Variants in P2RY8 observed in about 807,000 individuals in gnomAD.
The protein encoded by P2RY8 is P2Y receptor family member 8.
A neutral mutation model predicts 10.0 loss-of-function variants in P2RY8; 6 were observed. The observed-to-expected ratio is 0.60, with a 90% CI of 0.33 to 1.19. The LOEUF is 1.19. Among genes scored for constraint, P2RY8 ranks in the 50% most tolerant of loss-of-function variants. P2RY8 has a pLI of 0.04. For synonymous variants in P2RY8, 276 were observed against 252.5 expected, an observed-to-expected ratio of 1.09 and a Z score of -0.88; for missense variants, 456 against 542.0, an observed-to-expected ratio of 0.84 and a Z score of 1.58.
At chrX:1,470,898 G>A (rs2091776350) in intron 1 of P2RY8, among the ~76,000 whole-genome samples, 1 of 148,830 alleles carries the variant, frequency 6.7e-6, no homozygotes, top group Non-Finnish European at 1.5e-5. Flanking sequence ...GTGTAGTGGT[G>A]CGATCTTGGC....
At chrX:1,509,543 C>T in intron 1 of P2RY8, among the ~76,000 whole-genome samples, 1 of 133,462 alleles carries the variant, frequency 7.5e-6, no homozygotes, top group African/African-American at 3.2e-5. Flanking sequence ...ATCCATCCAT[C>T]CATCTATTCT....
intron 1 of P2RY8, among the ~76,000 whole-genome samples, chrX:1,535,689 A>T (rs769463748): frequency 7.6e-6 from 1 of 131,006 alleles, no homozygotes; most frequent in Admixed American, 8.5e-5. Flanking sequence ...ATGGGAAGAA[A>T]CAACCACACA....
chrX:1,523,550 C>A, intron 1 of P2RY8, among the ~76,000 whole-genome samples: 1 of 152,106 alleles, frequency 6.6e-6, no homozygotes, highest in East Asian at 1.9e-4. Context: ...GAAGTGGGAG[C>A]GATTGCAAAT....
At chrX:1,486,336 T>A (rs1362253198) in intron 1 of P2RY8, among the ~76,000 whole-genome samples, 1 of 152,124 alleles carries the variant, frequency 6.6e-6, no homozygotes, top group Non-Finnish European at 1.5e-5. Flanking sequence ...GACAGACAGA[T>A]AAACACAACG....
chrX:1,513,734 C>G (rs1160992327), intron 1 of P2RY8, among the ~76,000 whole-genome samples: 1 of 151,004 alleles, frequency 6.6e-6, no homozygotes, highest in East Asian at 2.0e-4. Flanking sequence ...ACAATTGTAT[C>G]CAGTTCCTTC....
chrX:1,479,177 C>A (rs2091909189), intron 1 of P2RY8, among the ~76,000 whole-genome samples: 1 of 152,218 alleles, frequency 6.6e-6, no homozygotes, highest in Non-Finnish European at 1.5e-5. Flanking sequence ...CCTCCAGGTC[C>A]CACTTCCCTT....
At chrX:1,499,079 C>T (rs185319154) in intron 1 of P2RY8, among the ~76,000 whole-genome samples, 75 of 152,064 alleles carry the variant, frequency 4.9e-4, no homozygotes, top group African/African-American at 1.8e-3. Context: ...GTGATCCACC[C>T]GCCTCAGCCT....
chrX:1,493,183 G>A (rs1293211433), intron 1 of P2RY8, among the ~76,000 whole-genome samples: 4 of 150,570 alleles, frequency 2.7e-5, no homozygotes, highest in Non-Finnish European at 4.4e-5. Context: ...AGCTACGTGG[G>A]AGGCTGAGGC....
At chrX:1,504,033 T>C (rs2092205110) in intron 1 of P2RY8, among the ~76,000 whole-genome samples, 1 of 151,620 alleles carries the variant, frequency 6.6e-6, no homozygotes. Context: ...GATTTGGGAA[T>C]TCTGCTGGAC....
chrX:1,468,280 G>A (rs1425251321), intron 1 of P2RY8, among the ~76,000 whole-genome samples: 15 of 152,296 alleles, frequency 9.8e-5, no homozygotes, highest in African/African-American at 2.2e-4. Flanking sequence ...GCAGTGCCTC[G>A]CACACATTTA....
intron 1 of P2RY8, among the ~76,000 whole-genome samples, chrX:1,511,503 A>T (rs2092297603): frequency 6.6e-6 from 1 of 152,186 alleles, no homozygotes; most frequent in South Asian, 2.1e-4. Context: ...TCCCCTCTCC[A>T]AATGTGTACA....
At position 1,489,002 on chromosome X, in the gene P2RY8, T is replaced by G. The variant is rs750332811; in HGVS notation, c.-24-22420A>C. On this transcript the variant is annotated intron_variant, in intron 1 of 1. Coordinates refer to ENST00000381297, the MANE Select transcript of P2RY8 (RefSeq NM_178129.5). ...AAATGTGGAGGGAATGAATGGATGA[T>G]ACCTAGGATTCACTCCCACAAATGT... Among the ~76,000 whole-genome samples, 6 of 150,032 alleles carry G rather than the reference T, an allele frequency of 4.0e-5. No individual in the cohort carries two copies. In the East Asian group the frequency reaches 1.2e-3, roughly 30 times the overall value.
intron 1 of P2RY8, among the ~76,000 whole-genome samples, chrX:1,515,694 A>G (rs1456000384): frequency 6.6e-6 from 1 of 151,744 alleles, no homozygotes; most frequent in Non-Finnish European, 1.5e-5. Context: ...TCATCACCCC[A>G]AAAAGAAATC....
At chrX:1,520,645 T>C (rs2092384081) in intron 1 of P2RY8, among the ~76,000 whole-genome samples, 1 of 151,812 alleles carries the variant, frequency 6.6e-6, no homozygotes. Context: ...ATCTCTCTGA[T>C]CCCAATATTC....
intron 1 of P2RY8, among the ~76,000 whole-genome samples, chrX:1,519,393 G>A (rs1181067479): frequency 6.6e-6 from 1 of 151,458 alleles, no homozygotes; most frequent in African/African-American, 2.4e-5. Flanking sequence ...TATTCTCTCT[G>A]GTCCCCAATA....
At chrX:1,482,101 G>C (rs188636686) in intron 1 of P2RY8, among the ~76,000 whole-genome samples, 72 of 152,208 alleles carry the variant, frequency 4.7e-4, no homozygotes, top group Admixed American at 1.8e-3. Flanking sequence ...GCTGGCCAGA[G>C]AGCAGATTCT....
At chrX:1,524,805 T>TCCATA (rs2092427761) in intron 1 of P2RY8, among the ~76,000 whole-genome samples, 4 of 76,910 alleles carry the variant, frequency 5.2e-5, no homozygotes, top group Admixed American at 1.3e-4. Flanking sequence ...ATCCATCCAC[T>TCCATA]CATCCATCCA....
chrX:1,525,647 C>T (rs758747097), intron 1 of P2RY8, among the ~76,000 whole-genome samples: 2 of 152,274 alleles, frequency 1.3e-5, no homozygotes, highest in South Asian at 4.1e-4. Flanking sequence ...ATTCATCCAT[C>T]CATCCACCCA....
chrX:1,508,720 A>AT (rs1320131112), intron 1 of P2RY8, among the ~76,000 whole-genome samples: 16 of 99,490 alleles, frequency 1.6e-4, no homozygotes, highest in South Asian at 2.9e-4. Flanking sequence ...CTATCTATCT[A>AT]TCTATCTATC....
Sources: gnomAD v4.1 joint callset for allele counts (sites outside exome capture counted in the v4.1 genomes callset) on GRCh38, gnomAD v4.1.1 for gene constraint, MANE v1.5 for transcripts, NCBI Gene and HGNC (gene_info 2026-07-23, HGNC 2026-07-21) for gene names.